Variants in ATP10B observed in about 807,000 individuals in gnomAD.
ATP10B encodes the protein phospholipid-transporting ATPase VB.
In ATP10B, 122 loss-of-function variants were observed where a neutral mutation model predicts 141.2. The observed-to-expected ratio is 0.86, with a 90% confidence interval of 0.75 to 1.00. The LOEUF (loss-of-function observed/expected upper bound fraction) is 1.00, where lower values mean the gene tolerates loss of function less well. ATP10B is among the 50% of genes least tolerant of loss of function. The pLI is 0.00. For synonymous variants in ATP10B, 685 were observed against 692.0 expected (o/e 0.99, Z 0.16); for missense variants, 1,876 against 1,825.3 (o/e 1.03, Z -0.51).
chr5:160,846,347 A>G (rs967228010), intron 1 of ATP10B, among the ~76,000 whole-genome samples: 2 of 152,216 alleles, frequency 1.3e-5, no homozygotes, highest in African/African-American at 4.8e-5. Context: ...CTAGTCATTC[A>G]TAACAGAACT....
At chr5:160,860,451 C>T in the ATP10B span, among the ~76,000 whole-genome samples, 1 of 151,774 alleles carries the variant, frequency 6.6e-6, no homozygotes, top group Admixed American at 6.6e-5. Flanking sequence ...CTTGGTTCTT[C>T]CTCTAGATAC....
rs746585423 is a variant in ATP10B at position 160,620,426 on chromosome 5, G to A, written c.2337C>T (p.His779=). 1.9e-6 allele frequency: 3 copies of A among 1,614,088 alleles called. No individual in the cohort carries two copies. In the African/African-American group the frequency reaches 4.0e-5, roughly 22 times the overall value. ...VRKRMSVVVR[H]PLTGEIVVYT... ...AGACAACAATCTCGCCAGTCAGTGG[G>A]TGCCTCACAACCACAGACATTCTCT... Residue 779 remains histidine (H), a synonymous_variant, in exon 15 of 26, where the codon CAC becomes CAT. Transcript: ENST00000327245.
intron 25 of ATP10B, among the ~76,000 whole-genome samples, chr5:160,568,529 G>A (rs568792026): frequency 6.6e-6 from 1 of 152,316 alleles, no homozygotes; most frequent in African/African-American, 2.4e-5. Context: ...GAGAGGCTAA[G>A]TCTTTCCTAT....
chr5:160,738,529 G>C (rs1054183986), intron 2 of ATP10B, among the ~76,000 whole-genome samples: 24 of 151,940 alleles, frequency 1.6e-4, no homozygotes, highest in Non-Finnish European at 3.2e-4. Context: ...TCTCAAAAAG[G>C]TAGAAGAAAT....
intron 1 of ATP10B, among the ~76,000 whole-genome samples, chr5:160,792,548 C>T (rs760182511): frequency 2.6e-5 from 4 of 152,038 alleles, no homozygotes; most frequent in Non-Finnish European, 4.4e-5. Context: ...GACTCTTTCC[C>T]CCACTTCTTT....
At chr5:160,737,669 C>G (rs149993613) in intron 2 of ATP10B, among the ~76,000 whole-genome samples, 90 of 151,820 alleles carry the variant, frequency 5.9e-4, no homozygotes, top group Non-Finnish European at 8.7e-4. Context: ...AATGAAATAT[C>G]TAGGAATTAA....
intron 1 of ATP10B, among the ~76,000 whole-genome samples, chr5:160,842,488 C>T (rs1775869393): frequency 6.6e-6 from 1 of 151,698 alleles, no homozygotes; most frequent in African/African-American, 2.4e-5. Context: ...AAAAATATAG[C>T]AGAAAGAATT....
At chr5:160,823,983 A>T (rs1774379631) in intron 1 of ATP10B, among the ~76,000 whole-genome samples, 2 of 152,174 alleles carry the variant, frequency 1.3e-5, no homozygotes, top group African/African-American at 2.4e-5. Context: ...ACGCAGAATA[A>T]ATCAGTCATA....
the ATP10B span, among the ~76,000 whole-genome samples, chr5:160,861,017 A>G: frequency 6.6e-6 from 1 of 151,908 alleles, no homozygotes; most frequent in East Asian, 1.9e-4. Flanking sequence ...TTTAACTTCT[A>G]TCTTAAAAGA....
intron 24 of ATP10B, among the ~76,000 whole-genome samples, chr5:160,575,867 A>C (rs1167780548): frequency 6.6e-6 from 1 of 152,182 alleles, no homozygotes; most frequent in Non-Finnish European, 1.5e-5. Context: ...GCTTCAGGCA[A>C]AGCTGGATGC....
chr5:160,613,068 AGATG>A, intron 17 of ATP10B, 143 bp from the exon 18 acceptor site: 1 of 722,052 alleles, frequency 1.4e-6, no homozygotes, highest in South Asian at 1.9e-5. Flanking sequence ...ACAGTGAACT[AGATG>A]GAGCAGGTCT....
At chr5:160,788,937 G>A (rs543163298) in intron 1 of ATP10B, among the ~76,000 whole-genome samples, 2 of 152,156 alleles carry the variant, frequency 1.3e-5, no homozygotes, top group Admixed American at 6.5e-5. Flanking sequence ...GCTAGGCATC[G>A]GTATGTGATA....
chr5:160,613,865 A>C (rs1431600839), intron 17 of ATP10B: 1 of 152,242 alleles, frequency 6.6e-6, no homozygotes, highest in Non-Finnish European at 1.5e-5. Context: ...TTCATTTCAG[A>C]TCACAGACTA....
chr5:160,879,506 T>C, the ATP10B span, among the ~76,000 whole-genome samples: 1 of 141,670 alleles, frequency 7.1e-6, no homozygotes, highest in South Asian at 2.4e-4. Flanking sequence ...CTGCACAATG[T>C]GCACATGTAC....
the ATP10B span, among the ~76,000 whole-genome samples, chr5:160,928,144 G>A: frequency 3.9e-5 from 6 of 152,162 alleles, no homozygotes; most frequent in South Asian, 1.0e-3. Flanking sequence ...CTGGCTCGGT[G>A]TCCAGCTCTC....
the ATP10B span, among the ~76,000 whole-genome samples, chr5:160,921,823 G>A: frequency 7.0e-4 from 107 of 152,268 alleles, no homozygotes; most frequent in Middle Eastern, 3.4e-3. Context: ...ACCTTCACTC[G>A]CAGGAGAGCA....
At chr5:160,716,147 G>T (rs1045000613) in intron 3 of ATP10B, among the ~76,000 whole-genome samples, 1 of 152,110 alleles carries the variant, frequency 6.6e-6, no homozygotes, top group East Asian at 1.9e-4. Context: ...TCATCATTCA[G>T]TAAATGTCAA....
intron 8 of ATP10B, among the ~76,000 whole-genome samples, chr5:160,646,069 G>A (rs1352826099): frequency 6.6e-6 from 1 of 152,134 alleles, no homozygotes. Context: ...TTAGTAGGAT[G>A]ATTATTTTTA....
At chr5:160,831,220 A>G (rs996378054) in intron 1 of ATP10B, among the ~76,000 whole-genome samples, 9 of 152,050 alleles carry the variant, frequency 5.9e-5, no homozygotes, top group African/African-American at 2.2e-4. Flanking sequence ...GTGGTGACTC[A>G]GGTAAACTTC....
Sources: allele counts gnomAD v4.1 joint callset (sites outside exome capture counted in the v4.1 genomes callset), GRCh38; gene constraint gnomAD v4.1.1; transcripts MANE v1.5; gene names NCBI Gene and HGNC (gene_info 2026-07-23, HGNC 2026-07-21).